Variants in ROBO2 observed in about 807,000 individuals in gnomAD.
The protein encoded by ROBO2 is roundabout homolog 2.
ROBO2 carries 53 observed loss-of-function variants against 160.8 expected under a neutral mutation model. That is an observed-to-expected ratio of 0.33 (90% confidence interval 0.26 to 0.41). The LOEUF is 0.41. Ranked by LOEUF, ROBO2 falls within the 10% of genes least tolerant of loss-of-function variation. The probability of loss-of-function intolerance (pLI) is 1.00; values close to 1 mark genes in which losing one functional copy is unlikely to be tolerated. For missense variants in ROBO2, 1,577 were observed against 1,722.4 expected, an observed-to-expected ratio of 0.92 and a Z score of 1.49; for synonymous variants, 664 against 611.7, an observed-to-expected ratio of 1.09 and a Z score of -1.26.
At chr3:76,217,686 A>G (rs1703650687) in intron 2 of ROBO2, among the ~76,000 whole-genome samples, 1 of 152,322 alleles carries the variant, frequency 6.6e-6, no homozygotes, top group African/African-American at 2.4e-5. Flanking sequence ...TTACCAACCA[A>G]AAAAATCCAG....
intron 2 of ROBO2, among the ~76,000 whole-genome samples, chr3:76,091,488 G>C (rs568636622): frequency 6.6e-6 from 1 of 152,162 alleles, no homozygotes. Context: ...GGGCTACAAA[G>C]TGGTACAGCC....
intron 2 of ROBO2, among the ~76,000 whole-genome samples, chr3:77,242,937 G>C (rs2089241053): frequency 6.6e-6 from 1 of 151,486 alleles, no homozygotes; most frequent in Non-Finnish European, 1.5e-5. Flanking sequence ...GAAAAGGAAA[G>C]AGAGAGAGAG....
chr3:76,684,494 AGTAAAT>A (rs1380894520), intron 2 of ROBO2, among the ~76,000 whole-genome samples: 1 of 152,192 alleles, frequency 6.6e-6, no homozygotes, highest in Non-Finnish European at 1.5e-5. Flanking sequence ...TTTAGTAATT[AGTAAAT>A]TTTAGTGCAG....
At chr3:76,733,167 G>A (rs2093661993) in intron 2 of ROBO2, among the ~76,000 whole-genome samples, 1 of 152,128 alleles carries the variant, frequency 6.6e-6, no homozygotes, top group African/African-American at 2.4e-5. Context: ...AAAATGTTTT[G>A]TGAATGTTGA....
At chr3:76,544,849 C>A (rs558189178) in intron 2 of ROBO2, among the ~76,000 whole-genome samples, 73 of 152,060 alleles carry the variant, frequency 4.8e-4, no homozygotes, top group Admixed American at 1.6e-3. Context: ...AACCCAATAA[C>A]CATGGGGTAC....
chr3:76,770,084 T>C (rs767428632), intron 2 of ROBO2, among the ~76,000 whole-genome samples: 2 of 151,456 alleles, frequency 1.3e-5, no homozygotes, highest in South Asian at 2.1e-4. Flanking sequence ...TATAGCAGGG[T>C]CTTTTTAAAT....
chr3:77,560,341 C>G (rs1163190115), intron 9 of ROBO2, among the ~76,000 whole-genome samples: 1 of 151,910 alleles, frequency 6.6e-6, no homozygotes, highest in East Asian at 1.9e-4. Flanking sequence ...GAGAAGCACT[C>G]CTCACCAGAA....
chr3:76,362,285 G>T (rs2075566765), intron 2 of ROBO2, among the ~76,000 whole-genome samples: 1 of 151,974 alleles, frequency 6.6e-6, no homozygotes, highest in African/African-American at 2.4e-5. Flanking sequence ...GATCACTTGG[G>T]TCTGGGATGT....
At chr3:77,155,482 G>A (rs7624386) in intron 2 of ROBO2, among the ~76,000 whole-genome samples, 1,946 of 152,072 alleles carry the variant, frequency 0.013, 37 homozygotes, top group African/African-American at 0.044. Context: ...TTAGAACCTG[G>A]AAAAGGCGAG....
intron 2 of ROBO2, among the ~76,000 whole-genome samples, chr3:76,783,109 T>G (rs1402301736): frequency 1.3e-5 from 2 of 150,890 alleles, no homozygotes; most frequent in Non-Finnish European, 3.0e-5. Context: ...AACAATCTAT[T>G]TAGCCTGATA....
intron 1 of ROBO2, among the ~76,000 whole-genome samples, chr3:77,072,043 C>T (rs2067475703): frequency 6.6e-6 from 1 of 152,094 alleles, no homozygotes; most frequent in South Asian, 2.1e-4. Flanking sequence ...TTTACAGCCT[C>T]TCCCCCTCGT....
chr3:76,278,580 G>C (rs1708063017), intron 2 of ROBO2, among the ~76,000 whole-genome samples: 1 of 151,946 alleles, frequency 6.6e-6, no homozygotes, highest in South Asian at 2.1e-4. Flanking sequence ...AGAACACTAA[G>C]AGAAACATAC....
chr3:76,991,322 C>T (rs976392271), intron 2 of ROBO2, among the ~76,000 whole-genome samples: 6 of 152,206 alleles, frequency 3.9e-5, no homozygotes, highest in Admixed American at 1.3e-4. Context: ...GTGTAATATG[C>T]TGTATTGCAA....
intron 5 of ROBO2, among the ~76,000 whole-genome samples, chr3:77,512,644 G>C (rs1467613683): frequency 6.6e-6 from 1 of 151,838 alleles, no homozygotes; most frequent in African/African-American, 2.4e-5. Flanking sequence ...TACACTATGT[G>C]ACATTTTCAT....
chr3:76,010,950 G>T (rs1320107756), intron 2 of ROBO2, among the ~76,000 whole-genome samples: 2 of 152,066 alleles, frequency 1.3e-5, no homozygotes, highest in Non-Finnish European at 2.9e-5. Flanking sequence ...TAGGGCTTGG[G>T]GATATTTAGA....
intron 2 of ROBO2, among the ~76,000 whole-genome samples, chr3:77,128,020 ATAAGGGTGTGG>A (rs112816357): frequency 0.017 from 2,637 of 152,290 alleles, 61 homozygotes; most frequent in African/African-American, 0.058. Context: ...TTCTAAACTT[ATAAGGGTGTGG>A]TGATACTTAT....
chr3:77,284,364 G>A (rs573856644), intron 2 of ROBO2, among the ~76,000 whole-genome samples: 2 of 152,234 alleles, frequency 1.3e-5, no homozygotes, highest in South Asian at 2.1e-4. Flanking sequence ...TAAAGACACC[G>A]ATGGTGTCTA....
intron 2 of ROBO2, among the ~76,000 whole-genome samples, chr3:76,357,195 A>G (rs898432394): frequency 1.3e-5 from 2 of 151,994 alleles, no homozygotes; most frequent in African/African-American, 2.4e-5. Context: ...TTGCAGCAAC[A>G]TGGATGCAGC....
intron 4 of ROBO2, among the ~76,000 whole-genome samples, chr3:77,487,318 T>C (rs2085488545): frequency 6.6e-6 from 1 of 152,152 alleles, no homozygotes; most frequent in African/African-American, 2.4e-5. Context: ...GTGGAATGAA[T>C]AGGCAGAGCC....
Sources: allele counts gnomAD v4.1 joint callset (sites outside exome capture counted in the v4.1 genomes callset), GRCh38; gene constraint gnomAD v4.1.1; transcripts MANE v1.5; gene names NCBI Gene and HGNC (gene_info 2026-07-23, HGNC 2026-07-21).